Variants in ACMSD observed in about 807,000 individuals in gnomAD.
ACMSD encodes 2-amino-3-carboxymuconate-6-semialdehyde decarboxylase.
Under a neutral mutation model 45.9 loss-of-function variants are expected in ACMSD, and 37 were observed. The ratio of observed to expected loss-of-function variants is 0.81; its 90% CI spans 0.62 to 1.06. ACMSD has a LOEUF of 1.06. Among genes scored for constraint, ACMSD ranks in the 50% least tolerant of loss-of-function variants. ACMSD has a pLI of 0.00. For missense variants in ACMSD, 434 were observed against 420.9 expected (o/e 1.03, Z -0.27); for synonymous variants, 138 against 148.8 (o/e 0.93, Z 0.53).
At chr2:134,856,604 A>G (rs1687588828) in intron 2 of ACMSD, among the ~76,000 whole-genome samples, 2 of 152,080 alleles carry the variant, frequency 1.3e-5, no homozygotes, top group South Asian at 2.1e-4. Context: ...TTTTTCTTAT[A>G]CCTATTGGCC....
In ACMSD at chr2:134,881,381, C is replaced by T. The variant is rs561988963; in HGVS notation, c.849+8740C>T. ...TATTTTTATTTTGTAGTAAAAGAAA[C>T]GGTTCACTTTTAGGAGCAACACTGT... On this transcript the variant is annotated intron_variant, in intron 8 of 9. Transcript: ENST00000356140. Among the ~76,000 whole-genome samples the T allele has an allele frequency of 6.6e-5, 10 of 152,202 alleles. No individual in the cohort carries two copies. The East Asian group carries it at 1.2e-3, about 18-fold the overall frequency.
At chr2:134,862,048 G>A (rs1407131744) in intron 4 of ACMSD, 30 bp downstream of exon 4, 2 of 1,613,786 alleles carry the variant, frequency 1.2e-6, no homozygotes, top group Admixed American at 3.3e-5. Context: ...CCATCTCCTT[G>A]GTGTTGAAGG....
intron 1 of ACMSD, among the ~76,000 whole-genome samples, chr2:134,844,853 CCA>C (rs1686978766): frequency 6.6e-6 from 1 of 152,134 alleles, no homozygotes; most frequent in Non-Finnish European, 1.5e-5. Flanking sequence ...GGATTGCAAC[CCA>C]CAGTTTGAAA....
In ACMSD at chr2:134,892,236, A is replaced by T. The variant is rs566835598; in HGVS notation, c.850-6105A>T. ...TACCCCTTACATGTATTTTTTTTTT[A>T]AAAAATCGGGTATAACTGGAAAACA... On this transcript the variant is annotated intron_variant, in intron 8 of 9. Coordinates refer to ENST00000356140, the MANE Select transcript of ACMSD (RefSeq NM_138326.3). Among the ~76,000 whole-genome samples the T allele has an allele frequency of 1.6e-3, 242 of 151,820 alleles. 1 individual carries two copies. The highest frequency in any genetic ancestry group is 5.7e-3 in the Admixed American group (87 of 15,232).
rs568383272 is a variant in ACMSD at position 134,891,512 on chromosome 2, A to G, written c.850-6829A>G. ...GTTTAATATCACTGATCATCTGAGA[A>G]ATGCAAATTAAAACTACAATGAGAT... On this transcript the variant is annotated intron_variant, in intron 8 of 9. Coordinates refer to ENST00000356140, the MANE Select transcript of ACMSD (RefSeq NM_138326.3). Among the ~76,000 whole-genome samples the G allele has an allele frequency of 3.9e-5, 6 of 152,322 alleles. 1 individual carries two copies. In the South Asian group the frequency reaches 1.0e-3, roughly 26 times the overall value.
In ACMSD at chr2:134,863,618, T is replaced by C. The variant is rs768697043; in HGVS notation, c.473T>C (p.Phe158Ser). The C allele has an allele frequency of 5.6e-6, 9 of 1,614,144 alleles. No homozygotes were observed. The highest frequency in any genetic ancestry group is 7.6e-6 in the Non-Finnish European group (9 of 1,180,016). The change falls in exon 5 of 10, where the codon TTT becomes TCT. Residue 158 changes from phenylalanine (F) to serine (S), a missense_variant. Coordinates refer to ENST00000356140, the MANE Select transcript of ACMSD (RefSeq NM_138326.3). Reference sequence around the variant, plus strand: ...TGGGACCTGAACGCGCAGGAGCTCTTTCCTGTCTATGCGGTGAGTAGCGGG... The same window carrying C: ...TGGGACCTGAACGCGCAGGAGCTCTCTCCTGTCTATGCGGTGAGTAGCGGG... ...NEWDLNAQELFPVYAAAERLK... is the reference protein window; with the variant it reads ...NEWDLNAQELSPVYAAAERLK...
rs752064635 is a variant in ACMSD at position 134,863,583 on chromosome 2, C to T, written c.438C>T (p.His146=). The change falls in exon 5 of 10, where the codon CAC becomes CAT. Residue 146 remains histidine, a synonymous_variant. Transcript: ENST00000356140. ...TTCCCGGGGTCCAAATTGGCACCCA[C>T]GTCAACGAGTGGGACCTGAACGCGC... The part of the protein sequence containing the change: ...LGFPGVQIGT[H]VNEWDLNAQE... 2.5e-5 allele frequency: 41 copies of T among 1,614,184 alleles called. No individual in the cohort carries two copies. The highest frequency in any genetic ancestry group is 8.9e-5 in the East Asian group (4 of 44,868).
rs575551639 is a variant in ACMSD, at chr2:134,874,353, C to T, written c.849+1712C>T. 2.3e-3 allele frequency among the ~76,000 whole-genome samples: 344 copies of T among 152,190 alleles called. 2 individuals carry two copies. The highest frequency in any genetic ancestry group is 7.9e-3 in the African/African-American group (329 of 41,538). ...GGCAGGTGAATCCAGGACATAGAAG[C>T]GGTATATATTAATAATTTAGGATTC... On this transcript the variant is annotated intron_variant, in intron 8 of 9. Coordinates refer to ENST00000356140, the MANE Select transcript of ACMSD (RefSeq NM_138326.3).
chr2:134,865,940 A>C (rs993800124), intron 5 of ACMSD, among the ~76,000 whole-genome samples: 2 of 152,224 alleles, frequency 1.3e-5, no homozygotes, highest in Non-Finnish European at 2.9e-5. Flanking sequence ...TGAGGGTAGT[A>C]AAAGTGCGCA....
At chr2:134,882,433 T>C (rs201929166) in intron 8 of ACMSD, among the ~76,000 whole-genome samples, 2 of 152,104 alleles carry the variant, frequency 1.3e-5, no homozygotes, top group Admixed American at 6.6e-5. Context: ...CCAGGCAGAG[T>C]TGGTGTGACG....
chr2:134,840,461 T>A (rs761264797), intron 1 of ACMSD, among the ~76,000 whole-genome samples: 2 of 152,216 alleles, frequency 1.3e-5, no homozygotes, highest in South Asian at 2.1e-4. Flanking sequence ...GAAACCCTCA[T>A]CCACAAGGCA....
chr2:134,889,338 G>T (rs1463151328), intron 8 of ACMSD, among the ~76,000 whole-genome samples: 1 of 152,062 alleles, frequency 6.6e-6, no homozygotes, highest in African/African-American at 2.4e-5. Context: ...CCCAGATCTT[G>T]GTTTCTAGTT....
At chr2:134,856,003 C>A (rs957333571) in intron 2 of ACMSD, among the ~76,000 whole-genome samples, 1 of 152,172 alleles carries the variant, frequency 6.6e-6, no homozygotes, top group Non-Finnish European at 1.5e-5. Context: ...GGCCCTGAAG[C>A]ACCACCAAAG....
intron 8 of ACMSD, among the ~76,000 whole-genome samples, chr2:134,890,151 T>C (rs1689694549): frequency 6.6e-6 from 1 of 151,974 alleles, no homozygotes; most frequent in Admixed American, 6.6e-5. Context: ...AAATGGTGAT[T>C]TCACATTAGA....
At chr2:134,848,743 T>C (rs1687197228) in intron 2 of ACMSD, among the ~76,000 whole-genome samples, 1 of 152,236 alleles carries the variant, frequency 6.6e-6, no homozygotes, top group African/African-American at 2.4e-5. Flanking sequence ...ACTCTGATGA[T>C]AGTTTATTTT....
chr2:134,901,688 A>G (rs1690509262), intron 9 of ACMSD, 110 bp from the exon 10 acceptor site: 1 of 631,736 alleles, frequency 1.6e-6, no homozygotes, highest in Non-Finnish European at 2.6e-6. Flanking sequence ...ACCTGCTAGT[A>G]TTTTTCTCTC....
intron 8 of ACMSD, 123 bp downstream of exon 8, chr2:134,872,764 G>C (rs1688523328): frequency 2.5e-6 from 3 of 1,187,078 alleles, no homozygotes; most frequent in East Asian, 4.8e-5. Flanking sequence ...TGAAAGGAGA[G>C]AGACAGTGAG....
chr2:134,859,196 C>T, intron 2 of ACMSD, 65 bp from the exon 3 acceptor site: 3 of 1,305,696 alleles, frequency 2.3e-6, no homozygotes, highest in Non-Finnish European at 2.2e-6. Context: ...TTCTAAAGCA[C>T]ATGAGGAAAG....
At chr2:134,897,428 T>A (rs1271397217) in intron 8 of ACMSD, among the ~76,000 whole-genome samples, 1 of 151,618 alleles carries the variant, frequency 6.6e-6, no homozygotes, top group African/African-American at 2.4e-5. Context: ...GTATTCTTTA[T>A]TCTTTTCTAT....
Sources: gnomAD v4.1 joint callset for allele counts (sites outside exome capture counted in the v4.1 genomes callset) on GRCh38, gnomAD v4.1.1 for gene constraint, MANE v1.5 for transcripts, NCBI Gene and HGNC (gene_info 2026-07-23, HGNC 2026-07-21) for gene names.